CSGALNACT1: variants seen among roughly 807,000 people sequenced by gnomAD.
CSGALNACT1 encodes beta4GalNAcT-1.
Under a neutral mutation model 51.0 loss-of-function variants are expected in CSGALNACT1, and 52 were observed. The ratio of observed to expected loss-of-function variants is 1.02; its 90% CI spans 0.82 to 1.29. The LOEUF is 1.29. CSGALNACT1 is among the 50% of genes most tolerant of loss of function. The pLI is 0.00. For synonymous variants in CSGALNACT1, 341 were observed against 254.4 expected (o/e 1.34, Z -3.24); for missense variants, 935 against 679.2 (o/e 1.38, Z -4.19).
intron 4 of CSGALNACT1, among the ~76,000 whole-genome samples, chr8:19,478,462 C>A (rs1302575280): frequency 6.6e-6 from 1 of 151,582 alleles, no homozygotes; most frequent in Non-Finnish European, 1.5e-5. Context: ...GGGTCCCACT[C>A]CCAGAGATTC....
In CSGALNACT1 at chr8:19,578,866, C is replaced by A. The variant is rs540827743; in HGVS notation, c.-297+12294G>T. On this transcript the variant is annotated intron_variant, in intron 3 of 9. Coordinates refer to ENST00000454498, the Ensembl canonical transcript of CSGALNACT1. ...GTCTTCATCCTATCTGATATCAAGA[C>A]CACGTCGACCCTGCAAACCACCCTC... Among the ~76,000 whole-genome samples, 9 of 152,264 alleles carry A rather than the reference C, an allele frequency of 5.9e-5. No individual in the cohort carries two copies. In the South Asian group the frequency reaches 1.9e-3, roughly 32 times the overall value.
chr8:19,487,066 C>T (rs1052449482), intron 4 of CSGALNACT1, among the ~76,000 whole-genome samples: 1 of 152,190 alleles, frequency 6.6e-6, no homozygotes, highest in African/African-American at 2.4e-5. Flanking sequence ...CATTCAGATG[C>T]CAACTCATGC....
intron 1 of CSGALNACT1, among the ~76,000 whole-genome samples, chr8:19,752,810 G>C (rs1277793497): frequency 3.3e-5 from 5 of 152,142 alleles, no homozygotes; most frequent in Non-Finnish European, 7.3e-5. Flanking sequence ...TTTATGCATT[G>C]CCTAAAAACA....
At chr8:19,446,539 TGAGA>T (rs1162177396) in intron 5 of CSGALNACT1, among the ~76,000 whole-genome samples, 2 of 152,280 alleles carry the variant, frequency 1.3e-5, no homozygotes, top group Admixed American at 6.5e-5. Context: ...ATTCAGTTAC[TGAGA>T]GAGAGTCTCG....
At chr8:19,527,477 G>T (rs992568145) in intron 3 of CSGALNACT1, among the ~76,000 whole-genome samples, 12 of 152,190 alleles carry the variant, frequency 7.9e-5, no homozygotes, top group Non-Finnish European at 1.8e-4. Context: ...AGGCATGGTG[G>T]TGGGTGGCTA....
chr8:19,610,490 G>C (rs2052082614), intron 1 of CSGALNACT1, among the ~76,000 whole-genome samples: 1 of 152,006 alleles, frequency 6.6e-6, no homozygotes, highest in Admixed American at 6.6e-5. Flanking sequence ...CGAGACCCCA[G>C]CAAGGCAGAG....
At chr8:19,615,197 G>A (rs1024436650) in intron 1 of CSGALNACT1, among the ~76,000 whole-genome samples, 3 of 152,258 alleles carry the variant, frequency 2.0e-5, no homozygotes, top group South Asian at 2.1e-4. Context: ...CCAGCTACTC[G>A]GAGGTTGAGA....
chr8:19,637,992 C>T (rs2056297653), intron 1 of CSGALNACT1, among the ~76,000 whole-genome samples: 1 of 152,148 alleles, frequency 6.6e-6, no homozygotes, highest in Non-Finnish European at 1.5e-5. Context: ...AAGGAAGCAG[C>T]AGTGGGTCCA....
At chr8:19,512,232 C>T (rs1405233056) in intron 3 of CSGALNACT1, among the ~76,000 whole-genome samples, 1 of 152,176 alleles carries the variant, frequency 6.6e-6, no homozygotes, top group Admixed American at 6.5e-5. Context: ...ACTGAAGCCT[C>T]CAGCTGACCG....
At chr8:19,577,141 A>C (rs924960813) in intron 3 of CSGALNACT1, among the ~76,000 whole-genome samples, 12 of 152,174 alleles carry the variant, frequency 7.9e-5, no homozygotes, top group African/African-American at 2.9e-4. Context: ...TCAAAGCCTG[A>C]CAAACCAGTG....
intron 1 of CSGALNACT1, among the ~76,000 whole-genome samples, chr8:19,672,937 T>A (rs2059906414): frequency 6.6e-6 from 1 of 152,252 alleles, no homozygotes; most frequent in Non-Finnish European, 1.5e-5. Flanking sequence ...GTTTAGCCAA[T>A]GGAAACCTCT....
At chr8:19,569,992 G>T (rs1308488907) in intron 3 of CSGALNACT1, among the ~76,000 whole-genome samples, 1 of 152,112 alleles carries the variant, frequency 6.6e-6, no homozygotes, top group Non-Finnish European at 1.5e-5. Context: ...TCAAGAGCAG[G>T]CAAAAGTAAT....
chr8:19,655,052 A>C (rs2154186512), intron 1 of CSGALNACT1, among the ~76,000 whole-genome samples: 1 of 152,332 alleles, frequency 6.6e-6, no homozygotes, highest in South Asian at 2.1e-4. Context: ...TACATTGAGT[A>C]ATAAGCCAAT....
intron 5 of CSGALNACT1, chr8:19,457,568 G>A (rs760797413): frequency 9.2e-6 from 7 of 764,474 alleles, no homozygotes; most frequent in East Asian, 1.3e-4. Flanking sequence ...AGCAGAGTTC[G>A]TGCCACTGCA....
At chr8:19,636,896 A>T (rs1418859353) in intron 1 of CSGALNACT1, among the ~76,000 whole-genome samples, 1 of 152,148 alleles carries the variant, frequency 6.6e-6, no homozygotes, top group Non-Finnish European at 1.5e-5. Flanking sequence ...TATTTTCATT[A>T]AAGAGTCTTA....
At chr8:19,455,970 C>A (rs1365180978) in intron 5 of CSGALNACT1, among the ~76,000 whole-genome samples, 1 of 152,208 alleles carries the variant, frequency 6.6e-6, no homozygotes, top group Non-Finnish European at 1.5e-5. Flanking sequence ...CTTCCTACCT[C>A]CACGAGCAAG....
At position 19,479,197 on chromosome 8, in the gene CSGALNACT1, C is replaced by A. The variant is rs138410556; in HGVS notation, c.635-20555G>T. Among the ~76,000 whole-genome samples the A allele has an allele frequency of 5.9e-5, 9 of 152,274 alleles. No homozygotes were observed. The East Asian group carries it at 1.7e-3, about 29-fold the overall frequency. Reference sequence around the variant, plus strand: ...CTTGTGGAAAAGTTGTCTTCTGGGCCCAGGACACCGTCTCTTCCCTTATAT... The same window carrying A: ...CTTGTGGAAAAGTTGTCTTCTGGGCACAGGACACCGTCTCTTCCCTTATAT... On this transcript the variant is annotated intron_variant, in intron 4 of 9. Transcript: ENST00000454498.
At chr8:19,509,621 C>CA (rs755422032) in intron 3 of CSGALNACT1, among the ~76,000 whole-genome samples, 12,069 of 56,912 alleles carry the variant, frequency 0.21, 2,206 homozygotes, top group Non-Finnish European at 0.27. Context: ...GACTCTGTCT[C>CA]AAAAAAAAAA....
upstream of CSGALNACT1, among the ~76,000 whole-genome samples, chr8:19,684,761 C>T (rs1046370375): frequency 1.3e-5 from 2 of 152,202 alleles, no homozygotes; most frequent in Non-Finnish European, 2.9e-5. Flanking sequence ...GTAAGCCTTT[C>T]TGGCCAACCA....
Sources: allele counts gnomAD v4.1 joint callset (sites outside exome capture counted in the v4.1 genomes callset), GRCh38; gene constraint gnomAD v4.1.1; transcripts MANE v1.5; gene names NCBI Gene and HGNC (gene_info 2026-07-23, HGNC 2026-07-21).